PPM1K: variants seen among roughly 807,000 people sequenced by gnomAD.
The protein encoded by PPM1K is protein phosphatase, Mg2+/Mn2+ dependent 1K.
PPM1K carries 19 observed loss-of-function variants against 32.6 expected under a neutral mutation model. The observed-to-expected ratio is 0.58, with a 90% CI of 0.41 to 0.86. The LOEUF (loss-of-function observed/expected upper bound fraction) is 0.86, where lower values mean the gene tolerates loss of function less well. Among genes scored for constraint, PPM1K ranks in the 40% least tolerant of loss-of-function variants. The pLI, the probability that PPM1K is intolerant of heterozygous loss-of-function variation, is 0.00. For synonymous variants in PPM1K, 159 were observed against 165.3 expected, an observed-to-expected ratio of 0.96 and a Z score of 0.29; for missense variants, 362 against 461.2, an observed-to-expected ratio of 0.78 and a Z score of 1.97.
chr4:88,262,814 C>A (rs1411293164), intron 6 of PPM1K, 88 bp from the exon 7 acceptor site: 2 of 1,441,062 alleles, frequency 1.4e-6, no homozygotes, highest in Non-Finnish European at 1.8e-6. Flanking sequence ...CTTGGAAATA[C>A]GCTTCCCCTA....
chr4:88,277,517 C>A, intron 2 of PPM1K: 1 of 338,854 alleles, frequency 3.0e-6, no homozygotes, highest in Non-Finnish European at 5.4e-6. Context: ...GAGTTCCTTC[C>A]CATTGTGAGT....
At position 88,278,482 on chromosome 4, in the gene PPM1K, C is replaced by G. The variant is rs138756114; in HGVS notation, c.102G>C (p.Val34=). 1 of 1,614,180 alleles carries G rather than the reference C, an allele frequency of 6.2e-7. No individual in the cohort carries two copies. Among genetic ancestry groups the G allele is most frequent in the Non-Finnish European group, 8.5e-7 (1 of 1,180,046 alleles). The change falls in exon 2 of 7, where the codon GTG becomes GTC. Residue 34 remains valine (V), a synonymous_variant. Coordinates refer to ENST00000608933, the MANE Select transcript of PPM1K (RefSeq NM_152542.5). The surrounding 1 kb of genome is among the most constrained non-coding windows in gnomAD (Gnocchi z 4.2). ...SSRLLQDDRR[V]TPTCHSSTSE... is the part of the protein sequence containing the mutation. ...AAGTGGAGCTGTGGCACGTGGGTGT[C>G]ACCCGCCTGTCGTCCTGCAGCAGGC...
chr4:88,281,539 T>C (rs1732005576), intron 1 of PPM1K, among the ~76,000 whole-genome samples: 1 of 152,220 alleles, frequency 6.6e-6, no homozygotes, highest in African/African-American at 2.4e-5. Flanking sequence ...TCGTGTATTG[T>C]TTCTATAATC....
chr4:88,283,506 A>C (rs1399234670), intron 1 of PPM1K, among the ~76,000 whole-genome samples: 1 of 152,258 alleles, frequency 6.6e-6, no homozygotes, highest in Non-Finnish European at 1.5e-5. Context: ...AGAACCGATG[A>C]GGCCTTGCTG....
intron 3 of PPM1K, among the ~76,000 whole-genome samples, chr4:88,273,226 G>C (rs546891570): frequency 6.6e-6 from 1 of 152,346 alleles, no homozygotes; most frequent in South Asian, 2.1e-4. Flanking sequence ...TAGGCACATA[G>C]TGAGGGTAAA....
Position 88,259,293 on chromosome 4 carries a change from C to A in PPM1K, c.*3302G>T, listed in dbSNP as rs1731034939. On this transcript the variant is annotated 3_prime_UTR_variant, in exon 7 of 7. Coordinates refer to ENST00000608933, the MANE Select transcript of PPM1K (RefSeq NM_152542.5). ...AAAAAAAAAAAAAGAAATACAAAAT[C>A]TGTAACAAACGAACAGCTGATGGAG... is the stretch of plus-strand genomic sequence containing the variant. 3 of 150,678 alleles carry A rather than the reference C, an allele frequency of 2.0e-5. No individual in the cohort carries two copies. Among genetic ancestry groups the A allele is most frequent in the Admixed American group, 6.6e-5 (1 of 15,130 alleles). 9.3% of individuals were successfully genotyped at this position (150,678 alleles called of 1,614,324 possible).
rs1005007230 is a variant in PPM1K at position 88,275,667 on chromosome 4, C to T, written c.541+1476G>A. ...TTACAGAACAGCTGGGGCACACCAC[C>T]GACACTACAGTCAACAAACATTGTG... is the stretch of plus-strand genomic sequence containing the variant. On this transcript the variant is annotated intron_variant, in intron 3 of 6. Transcript: ENST00000608933. 4.0e-5 allele frequency: 39 copies of T among 985,108 alleles called. No homozygotes were observed. The South Asian group carries it at 1.2e-3, about 30-fold the overall frequency. The allele number at this position is 985,108 out of a possible 1,614,324, so 61.0% of individuals were successfully genotyped here. A position where few individuals can be genotyped will look rare whatever the true frequency, so the allele number is the denominator to read the frequency against.
chr4:88,266,149 T>C (rs1578312374), intron 5 of PPM1K, among the ~76,000 whole-genome samples: 1 of 152,228 alleles, frequency 6.6e-6, no homozygotes, highest in African/African-American at 2.4e-5. Context: ...TGCAATTAAT[T>C]AACAAGTGTT....
Position 88,268,989 on chromosome 4 carries a change from A to T in PPM1K, c.542-83T>A, listed in dbSNP as rs868566270. The T allele has an allele frequency of 2.5e-6, 3 of 1,182,692 alleles. No homozygotes were observed. The African/African-American group carries it at 4.6e-5, about 18-fold the overall frequency. 73.3% of individuals were successfully genotyped at this position (1,182,692 alleles called of 1,614,324 possible). A position where few individuals can be genotyped will look rare whatever the true frequency, so the allele number is the denominator to read the frequency against. ...GAATTTTTATTACAAAATAAAACAC[A>T]AGCATGATAAACTAATGCTGGAATA... On this transcript the variant is annotated intron_variant, in intron 3 of 6. Coordinates refer to ENST00000608933, the MANE Select transcript of PPM1K (RefSeq NM_152542.5).
intron 4 of PPM1K, 81 bp from the exon 5 acceptor site, chr4:88,268,415 GA>G: frequency 1.3e-6 from 2 of 1,482,650 alleles, no homozygotes; most frequent in Non-Finnish European, 1.9e-6. Flanking sequence ...GAGGTCAGGA[GA>G]TCGAGACCAT....
chr4:88,274,561 G>GAGGGTAAACT lies in PPM1K; in HGVS notation c.541+2572_541+2581dup, dbSNP rs557125626. On this transcript the variant is annotated intron_variant, in intron 3 of 6. Transcript: ENST00000608933. ...AAGAGAAAAGATGAAAGAAACTGGA[G>GAGGGTAAACT]AGGGTAAACTGCACTTACTACAAAA... Among the ~76,000 whole-genome samples, 13 of 152,290 alleles carry GAGGGTAAACT rather than the reference G, an allele frequency of 8.5e-5. No individual in the cohort carries two copies. The East Asian group carries it at 2.5e-3, about 29-fold the overall frequency.
intron 3 of PPM1K, chr4:88,276,351 G>T (rs748636798): frequency 2.0e-6 from 2 of 985,328 alleles, no homozygotes; most frequent in Non-Finnish European, 2.4e-6. Context: ...CATTTACAAG[G>T]TTACATGCAC....
At position 88,260,879 on chromosome 4, in the gene PPM1K, A is replaced by C. The variant is rs567173617; in HGVS notation, c.*1716T>G. 1 of 152,194 alleles carries C rather than the reference A, an allele frequency of 6.6e-6. No homozygotes were observed. The highest frequency in any genetic ancestry group is 2.4e-5 in the African/African-American group (1 of 41,518). 9.4% of individuals were successfully genotyped at this position (152,194 alleles called of 1,614,324 possible). On this transcript the variant is annotated 3_prime_UTR_variant, in exon 7 of 7. Coordinates refer to ENST00000608933, the MANE Select transcript of PPM1K (RefSeq NM_152542.5). Reference sequence around the variant, plus strand: ...AGATTCAGTATTTTTCTCACATCCTATTACTTTATATACAAATTGCCATAT... The same window carrying C: ...AGATTCAGTATTTTTCTCACATCCTCTTACTTTATATACAAATTGCCATAT...
intron 3 of PPM1K, 103 bp downstream of exon 3, chr4:88,277,040 C>G: frequency 2.3e-6 from 2 of 867,722 alleles, no homozygotes; most frequent in Non-Finnish European, 3.7e-6. Context: ...AAACAATTGT[C>G]CATTAAAATC....
intron 3 of PPM1K, among the ~76,000 whole-genome samples, chr4:88,274,195 T>G (rs1209164326): frequency 6.6e-6 from 1 of 152,230 alleles, no homozygotes; most frequent in African/African-American, 2.4e-5. Flanking sequence ...CGCCTCTCTT[T>G]TATACCTAAA....
chr4:88,282,219 T>A (rs1732043231), intron 1 of PPM1K, among the ~76,000 whole-genome samples: 2 of 152,202 alleles, frequency 1.3e-5, no homozygotes, highest in South Asian at 4.1e-4. Context: ...GGAAGTCAAG[T>A]CATCCAAAAG....
intron 6 of PPM1K, among the ~76,000 whole-genome samples, chr4:88,263,782 C>T (rs1402209006): frequency 6.6e-6 from 1 of 152,046 alleles, no homozygotes; most frequent in East Asian, 1.9e-4. Flanking sequence ...GCAATCCTCC[C>T]ACCTCATCCT....
At chr4:88,267,893 G>C (rs568536447) in intron 5 of PPM1K, among the ~76,000 whole-genome samples, 14 of 152,282 alleles carry the variant, frequency 9.2e-5, no homozygotes, top group African/African-American at 2.4e-4. Flanking sequence ...TTCAGCACGT[G>C]CAAATGTCTG....
chr4:88,284,286 C>A (rs1349240301), intron 1 of PPM1K, 120 bp downstream of exon 1: 1 of 152,366 alleles, frequency 6.6e-6, no homozygotes, highest in African/African-American at 2.4e-5. Context: ...CGGAAACCGA[C>A]GTCTCCCCTT....
Sources: gnomAD v4.1 joint callset for allele counts (sites outside exome capture counted in the v4.1 genomes callset) on GRCh38, gnomAD v4.1.1 for gene constraint, Gnocchi (gnomAD v3.1) non-coding constraint, MANE v1.5 for transcripts, NCBI Gene and HGNC (gene_info 2026-07-23, HGNC 2026-07-21) for gene names.